Variants in CTNNA3 observed in about 807,000 individuals in gnomAD.
CTNNA3 encodes catenin alpha-3.
In CTNNA3, 76 loss-of-function variants were observed where a neutral mutation model predicts 95.7. That is an observed-to-expected ratio of 0.79 (90% CI 0.66 to 0.96). CTNNA3 has a LOEUF of 0.96. Ranked by LOEUF, CTNNA3 falls within the 40% of genes least tolerant of loss-of-function variation. The pLI, the probability that CTNNA3 is intolerant of heterozygous loss-of-function variation, is 0.00. For missense variants in CTNNA3, 1,191 were observed against 1,089.8 expected, an observed-to-expected ratio of 1.09 and a Z score of -1.31; for synonymous variants, 431 against 374.4, an observed-to-expected ratio of 1.15 and a Z score of -1.74.
intron 12 of CTNNA3, among the ~76,000 whole-genome samples, chr10:66,363,360 A>G (rs2092690142): frequency 6.6e-6 from 1 of 152,174 alleles, no homozygotes; most frequent in African/African-American, 2.4e-5. Flanking sequence ...TGGAGCCCTC[A>G]TAATGGGATT....
At chr10:66,498,048 AT>A (rs371499411) in intron 11 of CTNNA3, among the ~76,000 whole-genome samples, 10 of 152,044 alleles carry the variant, frequency 6.6e-5, no homozygotes, top group Middle Eastern at 3.4e-3. Flanking sequence ...TGTCACTGAG[AT>A]TTTTTTTAAG....
At chr10:66,346,240 TATATATAGAGAGAG>T (rs1180927272) in intron 12 of CTNNA3, among the ~76,000 whole-genome samples, 17 of 11,358 alleles carry the variant, frequency 1.5e-3, no homozygotes, top group Non-Finnish European at 2.0e-3. Context: ...TATATATATA[TATATATAGAGAGAG>T]AGAGAGAGAG....
intron 5 of CTNNA3, among the ~76,000 whole-genome samples, chr10:67,479,401 A>C (rs1848136160): frequency 6.6e-6 from 1 of 152,116 alleles, no homozygotes; most frequent in African/African-American, 2.4e-5. Context: ...TACCAACCAT[A>C]CTCTCAGGGC....
At chr10:65,930,284 G>A (rs944002172) in intron 17 of CTNNA3, among the ~76,000 whole-genome samples, 13 of 150,566 alleles carry the variant, frequency 8.6e-5, no homozygotes, top group African/African-American at 2.2e-4. Context: ...TAATTATATA[G>A]GCAACGGAAA....
chr10:66,682,958 T>A lies in CTNNA3; in HGVS notation c.1282-61174A>T, dbSNP rs563101513. ...TACCTGCCCTCCTCATTTCACAGGT[T>A]GTGGAGCAAATGCAATGAGTGTGGC... On this transcript the variant is annotated intron_variant, in intron 9 of 17. Transcript: ENST00000433211. 2.0e-5 allele frequency among the ~76,000 whole-genome samples: 3 copies of A among 152,256 alleles called. No individual in the cohort carries two copies. The East Asian group carries it at 5.8e-4, about 29-fold the overall frequency.
chr10:66,748,166 G>C (rs541643398), intron 9 of CTNNA3, among the ~76,000 whole-genome samples: 1 of 152,144 alleles, frequency 6.6e-6, no homozygotes, highest in African/African-American at 2.4e-5. Flanking sequence ...AATTGAAAAA[G>C]TTTGATTACA....
chr10:67,303,107 T>C (rs539286469), intron 5 of CTNNA3, among the ~76,000 whole-genome samples: 1 of 152,252 alleles, frequency 6.6e-6, no homozygotes, highest in South Asian at 2.1e-4. Flanking sequence ...GCACCAATGT[T>C]TGAGAACCAC....
At chr10:67,752,805 C>T (rs535991024) in intron 1 of CTNNA3, among the ~76,000 whole-genome samples, 1 of 152,270 alleles carries the variant, frequency 6.6e-6, no homozygotes, top group African/African-American at 2.4e-5. Flanking sequence ...CAAACCACTG[C>T]TCAACGAAAT....
At chr10:66,962,955 A>G (rs1450276531) in intron 7 of CTNNA3, among the ~76,000 whole-genome samples, 1 of 150,868 alleles carries the variant, frequency 6.6e-6, no homozygotes, top group Non-Finnish European at 1.5e-5. Context: ...ATAAGGCAAG[A>G]ATTCAATAAG....
intron 15 of CTNNA3, among the ~76,000 whole-genome samples, chr10:66,008,386 T>A (rs2078938812): frequency 6.6e-6 from 1 of 152,240 alleles, no homozygotes; most frequent in Non-Finnish European, 1.5e-5. Context: ...AAGACTGAAA[T>A]CATTAAGACT....
chr10:66,630,096 AGC>A (rs1845079788), intron 9 of CTNNA3, among the ~76,000 whole-genome samples: 2 of 152,184 alleles, frequency 1.3e-5, no homozygotes, highest in African/African-American at 4.8e-5. Flanking sequence ...CTCATCATTC[AGC>A]CTACAGTGCC....
intron 15 of CTNNA3, among the ~76,000 whole-genome samples, chr10:65,993,349 C>T (rs1240774212): frequency 1.3e-5 from 2 of 152,282 alleles, no homozygotes; most frequent in Middle Eastern, 3.4e-3. Flanking sequence ...GTGTTGAAGT[C>T]TCCAACTATT....
At chr10:67,129,964 A>G (rs921043478) in intron 7 of CTNNA3, among the ~76,000 whole-genome samples, 1 of 152,174 alleles carries the variant, frequency 6.6e-6, no homozygotes, top group Non-Finnish European at 1.5e-5. Context: ...TCTAGGATCC[A>G]TATAGAAGCA....
chr10:66,770,856 CAG>C (rs1483887922), intron 8 of CTNNA3, among the ~76,000 whole-genome samples: 1 of 148,890 alleles, frequency 6.7e-6, no homozygotes, highest in Non-Finnish European at 1.5e-5. Context: ...AATAAATTAA[CAG>C]TATTTAAATT....
At chr10:67,649,407 G>A (rs532211141) in intron 1 of CTNNA3, among the ~76,000 whole-genome samples, 58 of 152,222 alleles carry the variant, frequency 3.8e-4, no homozygotes, top group African/African-American at 1.3e-3. Context: ...AACCTAGAAG[G>A]AGCTTTCTAA....
intron 7 of CTNNA3, among the ~76,000 whole-genome samples, chr10:67,133,366 C>CATACATAT (rs145480361): frequency 0.31 from 36,484 of 118,468 alleles, 6,095 homozygotes; most frequent in Middle Eastern, 0.51. Context: ...TACATACATA[C>CATACATAT]ATATATATAT....
chr10:66,075,838 A>G (rs932247207), intron 14 of CTNNA3, among the ~76,000 whole-genome samples: 1 of 148,686 alleles, frequency 6.7e-6, no homozygotes, highest in African/African-American at 2.5e-5. Flanking sequence ...CCTTTCCACA[A>G]TTTTTTTTTT....
At chr10:67,116,946 T>A (rs909612820) in intron 7 of CTNNA3, among the ~76,000 whole-genome samples, 3 of 151,706 alleles carry the variant, frequency 2.0e-5, no homozygotes, top group Non-Finnish European at 4.4e-5. Flanking sequence ...GAACTTACTA[T>A]CTTCAAGACA....
intron 7 of CTNNA3, among the ~76,000 whole-genome samples, chr10:67,170,173 G>A (rs1197194914): frequency 6.6e-6 from 1 of 152,184 alleles, no homozygotes; most frequent in Non-Finnish European, 1.5e-5. Context: ...CTGTTGGTAG[G>A]AGTGTAAGTT....
Sources: gnomAD v4.1 joint callset for allele counts (sites outside exome capture counted in the v4.1 genomes callset) on GRCh38, gnomAD v4.1.1 for gene constraint, MANE v1.5 for transcripts, NCBI Gene and HGNC (gene_info 2026-07-23, HGNC 2026-07-21) for gene names.